The following GPD2 variants were observed in gnomAD, a reference collection of about 807,000 sequenced individuals.
GPD2 encodes glycerol-3-phosphate dehydrogenase 2.
A neutral mutation model predicts 82.4 loss-of-function variants in GPD2; 54 were observed. That is an observed-to-expected ratio of 0.66 (90% CI 0.53 to 0.82). The LOEUF (loss-of-function observed/expected upper bound fraction) is 0.82, where lower values mean the gene tolerates loss of function less well. Among genes scored for constraint, GPD2 ranks in the 40% least tolerant of loss-of-function variants. GPD2 has a pLI of 0.00. For synonymous variants in GPD2, 288 were observed against 306.1 expected (o/e 0.94, Z 0.62); for missense variants, 748 against 896.2 (o/e 0.83, Z 2.11).
At chr2:156,419,021 A>G in the GPD2 span, among the ~76,000 whole-genome samples, 81 of 142,114 alleles carry the variant, frequency 5.7e-4, no homozygotes, top group Admixed American at 1.0e-3. Context: ...TCAACTTGCC[A>G]TATTTCGGGA....
intron 7 of GPD2, 102 bp from the exon 8 acceptor site, chr2:156,550,498 GTA>G: frequency 8.7e-7 from 1 of 1,149,572 alleles, no homozygotes. Flanking sequence ...GTGGTATGCA[GTA>G]TACTTCACCA....
intron 6 of GPD2, among the ~76,000 whole-genome samples, chr2:156,542,794 T>A (rs1686372106): frequency 6.6e-6 from 1 of 152,222 alleles, no homozygotes; most frequent in Admixed American, 6.5e-5. Flanking sequence ...TTTCTGTAAC[T>A]GCCTGTCCAA....
At chr2:156,439,513 GAAAAA>G (rs1187242848) in intron 1 of GPD2, among the ~76,000 whole-genome samples, 1 of 31,622 alleles carries the variant, frequency 3.2e-5, no homozygotes, top group African/African-American at 1.4e-4. Flanking sequence ...GACTGTCTCA[GAAAAA>G]AAAAAAAAAA....
At chr2:156,500,536 C>T (rs1684552350) in intron 3 of GPD2, among the ~76,000 whole-genome samples, 1 of 152,086 alleles carries the variant, frequency 6.6e-6, no homozygotes, top group South Asian at 2.1e-4. Flanking sequence ...CTGATTGTAT[C>T]CATTAATCTT....
At chr2:156,486,324 A>G (rs143596474) in intron 2 of GPD2, among the ~76,000 whole-genome samples, 1 of 152,312 alleles carries the variant, frequency 6.6e-6, no homozygotes, top group Non-Finnish European at 1.5e-5. Context: ...TTGCTGGCAT[A>G]CAAAATCAGT....
At chr2:156,440,486 ATGTT>A (rs1165562679) in intron 1 of GPD2, among the ~76,000 whole-genome samples, 5 of 152,230 alleles carry the variant, frequency 3.3e-5, no homozygotes, top group East Asian at 1.9e-4. Flanking sequence ...GAATGTGACC[ATGTT>A]TGTTTGTTTG....
At position 156,557,309 on chromosome 2, in the gene GPD2, GAATA is replaced by G. The variant is rs1367299440; in HGVS notation, c.972-75_972-72del. ...CTTGTTTGCATATTTGAGAATTAAT[GAATA>G]AATAGTTTTTCGAATGCAGATTAAT... On this transcript the variant is annotated intron_variant, in intron 8 of 16. Coordinates refer to ENST00000438166, the MANE Select transcript of GPD2 (RefSeq NM_000408.5). The G allele has an allele frequency of 1.6e-5, 14 of 862,802 alleles. No homozygotes were observed. In the East Asian group the frequency reaches 2.6e-4, roughly 16 times the overall value. 53.4% of individuals were successfully genotyped at this position (862,802 alleles called of 1,614,324 possible).
chr2:156,520,732 G>A (rs1685374225), intron 6 of GPD2, among the ~76,000 whole-genome samples: 1 of 151,828 alleles, frequency 6.6e-6, no homozygotes, highest in Non-Finnish European at 1.5e-5. Flanking sequence ...TTACAGGCAC[G>A]TGCCACCATG....
the GPD2 span, among the ~76,000 whole-genome samples, chr2:156,427,892 C>T: frequency 6.6e-6 from 1 of 152,086 alleles, no homozygotes; most frequent in Non-Finnish European, 1.5e-5. Flanking sequence ...GGCTGCAGAC[C>T]TTTCTTGGCT....
At chr2:156,427,692 T>G in the GPD2 span, among the ~76,000 whole-genome samples, 2 of 152,226 alleles carry the variant, frequency 1.3e-5, no homozygotes, top group Non-Finnish European at 2.9e-5. Flanking sequence ...GCTGTATTAG[T>G]TTCCTATTGC....
intron 2 of GPD2, among the ~76,000 whole-genome samples, chr2:156,493,472 T>G (rs1684256476): frequency 6.6e-6 from 1 of 152,010 alleles, no homozygotes; most frequent in Admixed American, 6.6e-5. Context: ...GGTTAGAGCT[T>G]GGTGATGAGA....
At chr2:156,538,261 T>G (rs1686155480) in intron 6 of GPD2, among the ~76,000 whole-genome samples, 1 of 152,194 alleles carries the variant, frequency 6.6e-6, no homozygotes, top group African/African-American at 2.4e-5. Context: ...GGTAAATTGA[T>G]TGGCACTAGC....
intron 8 of GPD2, among the ~76,000 whole-genome samples, chr2:156,552,619 A>G (rs1251955638): frequency 6.6e-6 from 1 of 152,182 alleles, no homozygotes; most frequent in African/African-American, 2.4e-5. Flanking sequence ...TCATCCCATG[A>G]TGTCAGAAGA....
At chr2:156,503,799 G>A (rs879436042) in intron 3 of GPD2, among the ~76,000 whole-genome samples, 3 of 152,096 alleles carry the variant, frequency 2.0e-5, no homozygotes, top group African/African-American at 4.8e-5. Flanking sequence ...TGTGGATTTT[G>A]TAACTAGGAA....
chr2:156,449,330 A>G (rs1291461948), intron 1 of GPD2, among the ~76,000 whole-genome samples: 3 of 152,218 alleles, frequency 2.0e-5, no homozygotes, highest in Non-Finnish European at 2.9e-5. Flanking sequence ...AGAGGATTAT[A>G]TGCAGGCAAG....
chr2:156,509,202 G>C (rs983458678), intron 3 of GPD2, among the ~76,000 whole-genome samples: 4 of 152,160 alleles, frequency 2.6e-5, no homozygotes, highest in Non-Finnish European at 5.9e-5. Flanking sequence ...TTTCTAGGTA[G>C]TTAAGGCATT....
chr2:156,551,708 A>G (rs1686765512), intron 8 of GPD2, among the ~76,000 whole-genome samples: 1 of 152,204 alleles, frequency 6.6e-6, no homozygotes, highest in South Asian at 2.1e-4. Flanking sequence ...ATAGTCATTA[A>G]GAATTATAAT....
chr2:156,430,868 T>C (rs1448915516), upstream of GPD2, among the ~76,000 whole-genome samples: 1 of 152,166 alleles, frequency 6.6e-6, no homozygotes, highest in Non-Finnish European at 1.5e-5. Flanking sequence ...TGGGAAAAGG[T>C]CAATCCCAGA....
At chr2:156,490,143 C>G (rs1684122048) in intron 2 of GPD2, among the ~76,000 whole-genome samples, 1 of 152,082 alleles carries the variant, frequency 6.6e-6, no homozygotes, top group South Asian at 2.1e-4. Context: ...ACCCAAAGCC[C>G]TCTTGTCTTA....
Sources: gnomAD v4.1 joint callset for allele counts (sites outside exome capture counted in the v4.1 genomes callset) on GRCh38, gnomAD v4.1.1 for gene constraint, MANE v1.5 for transcripts, NCBI Gene and HGNC (gene_info 2026-07-23, HGNC 2026-07-21) for gene names.